APTX: variants seen among roughly 807,000 people sequenced by gnomAD.
APTX encodes the protein aprataxin, also known as forkhead-associated domain histidine triad-like protein.
APTX carries 33 observed loss-of-function variants against 42.3 expected under a neutral mutation model. The observed-to-expected ratio is 0.78, with a 90% CI of 0.59 to 1.04. The LOEUF (loss-of-function observed/expected upper bound fraction) is 1.04, where lower values mean the gene tolerates loss of function less well. APTX is among the 50% of genes least tolerant of loss of function. The pLI is 0.00. For synonymous variants in APTX, 130 were observed against 146.7 expected, an observed-to-expected ratio of 0.89 and a Z score of 0.82; for missense variants, 421 against 415.1, an observed-to-expected ratio of 1.01 and a Z score of -0.12.
intron 5 of APTX, among the ~76,000 whole-genome samples, chr9:32,985,342 T>G (rs1437708454): frequency 4.0e-5 from 6 of 148,952 alleles, no homozygotes; most frequent in Non-Finnish European, 7.4e-5. Flanking sequence ...TTTTTTTTTT[T>G]TTTTTTTTTG....
rs115599714 is a variant in APTX at position 33,018,935 on chromosome 9, C to G, written c.-5+6088G>C. Among the ~76,000 whole-genome samples the G allele has an allele frequency of 7.7e-3, 1,166 of 152,182 alleles. 12 individuals are homozygous for G. Among genetic ancestry groups the G allele is most frequent in the African/African-American group, 0.027 (1,115 of 41,508 alleles). Reference sequence around the variant, plus strand: ...CAAGGTCCTTAAAAATAAGTAAAGTCTGAGAAACTGTCACAGTCAAGATGA... The same window carrying G: ...CAAGGTCCTTAAAAATAAGTAAAGTGTGAGAAACTGTCACAGTCAAGATGA... On this transcript the variant is annotated intron_variant, in intron 1 of 6. Transcript: ENST00000436040.
intron 1 of APTX, among the ~76,000 whole-genome samples, chr9:33,023,776 A>G (rs1587688614): frequency 6.6e-6 from 1 of 152,248 alleles, no homozygotes; most frequent in Non-Finnish European, 1.5e-5. Flanking sequence ...GAAAAGGCTG[A>G]AGAGGCAGCA....
intron 1 of APTX, among the ~76,000 whole-genome samples, chr9:32,992,746 G>A (rs1016436341): frequency 6.6e-6 from 1 of 152,214 alleles, no homozygotes; most frequent in Non-Finnish European, 1.5e-5. Flanking sequence ...AGTCTAGCAT[G>A]GAGAAATCCA....
In APTX at chr9:32,984,820, T is replaced by C. The variant is rs1339475999; in HGVS notation, c.581A>G (p.Lys194Arg). Residue 194 changes from lysine to arginine, a missense_variant, in exon 6 of 8, where the codon AAA becomes AGA. Coordinates refer to ENST00000379817, the MANE Select transcript of APTX (RefSeq NM_001195248.2). ...CCAATGGTAACGGGCCTTTGGGTAT[T>C]TATCCTTTATCACCACCACCTGCTC... ...KDEQVVVIKDKYPKARYHWLV... is the reference protein window; with the variant it reads ...KDEQVVVIKDRYPKARYHWLV... 6.2e-7 allele frequency: 1 copy of C among 1,614,184 alleles called. No individual in the cohort carries two copies. The highest frequency in any genetic ancestry group is 8.5e-7 in the Non-Finnish European group (1 of 1,180,032).
chr9:32,988,686 G>GA lies in APTX; in HGVS notation c.134-558dup, dbSNP rs201425898. 1.4e-3 allele frequency among the ~76,000 whole-genome samples: 100 copies of GA among 70,880 alleles called. 2 individuals carry two copies. The highest frequency in any genetic ancestry group is 7.1e-3 in the Middle Eastern group (1 of 140). The allele number at this position is 70,880 out of a possible 152,430, so 46.5% of individuals were successfully genotyped here. On this transcript the variant is annotated intron_variant, in intron 2 of 7. Coordinates refer to ENST00000379817, the MANE Select transcript of APTX (RefSeq NM_001195248.2). ...ACAGAGTGAGACCCTATCTCAGGAG[G>GA]AAAAAAAAAAAAAAAAAAAAAAAAA...
At chr9:33,018,842 G>C (rs10971332) in intron 1 of APTX, among the ~76,000 whole-genome samples, 10,727 of 152,266 alleles carry the variant, frequency 0.07, 515 homozygotes, top group Non-Finnish European at 0.11. Flanking sequence ...TCACGCCATT[G>C]CGCTCCAGCC....
chr9:32,973,708 TACCAAAAAAAAAAAAAAAAA>T (rs765639035), intron 7 of APTX, 56 bp from the exon 8 acceptor site: 1 of 1,308,858 alleles, frequency 7.6e-7, no homozygotes, highest in South Asian at 1.3e-5. Context: ...CAATATGAGA[TACCAAAAAAAAAAAAAAAAA>T]ATCAAAAACG....
rs112103430 is a variant in APTX at position 32,987,948 on chromosome 9, G to T, written c.181-102C>A. 3.2e-5 allele frequency: 49 copies of T among 1,527,476 alleles called. No individual in the cohort carries two copies. The African/African-American group carries it at 3.4e-4, about 11-fold the overall frequency. 94.6% of individuals were successfully genotyped at this position (1,527,476 alleles called of 1,614,324 possible). On this transcript the variant is annotated intron_variant, in intron 3 of 7. Coordinates refer to ENST00000379817, the MANE Select transcript of APTX (RefSeq NM_001195248.2). ...CCACTTACTATATGCCAAGCACCTTGCCTTATGTTCACCTATATTACTCCA... is the reference window on the plus strand; with the variant it reads ...CCACTTACTATATGCCAAGCACCTTTCCTTATGTTCACCTATATTACTCCA...
chr9:32,977,951 T>G (rs944722649), intron 6 of APTX, among the ~76,000 whole-genome samples: 1 of 152,228 alleles, frequency 6.6e-6, no homozygotes, highest in Non-Finnish European at 1.5e-5. Flanking sequence ...CCCAAGTGTG[T>G]TGCTTTAAAA....
intron 6 of APTX, among the ~76,000 whole-genome samples, chr9:32,976,547 C>T (rs942727228): frequency 1.3e-5 from 2 of 152,130 alleles, no homozygotes; most frequent in Non-Finnish European, 2.9e-5. Context: ...TTTATACAAT[C>T]CTTAAGCTTA....
At chr9:32,997,621 G>GCGA (rs1835252208) in intron 1 of APTX, among the ~76,000 whole-genome samples, 1 of 11,534 alleles carries the variant, frequency 8.7e-5, no homozygotes, top group African/African-American at 9.4e-5. Flanking sequence ...TCCAAGCAAA[G>GCGA]AGAACAAGGG....
rs775949021 is a variant in APTX, at chr9:32,972,700, C to T, written c.*798G>A. ...ATTCACCAACCACCTTTCCATGCAT[C>T]AGAACCTATGCTGTGATTGTTAGCT... On this transcript the variant is annotated 3_prime_UTR_variant, in exon 8 of 8. Coordinates refer to ENST00000379817, the MANE Select transcript of APTX (RefSeq NM_001195248.2). 1 of 452,772 alleles carries T rather than the reference C, an allele frequency of 2.2e-6. No individual in the cohort carries two copies. Among genetic ancestry groups the T allele is most frequent in the African/African-American group, 2.0e-5 (1 of 49,980 alleles). The allele number at this position is 452,772 out of a possible 1,614,324, so 28.0% of individuals were successfully genotyped here.
chr9:32,998,173 G>C (rs1399009608), intron 1 of APTX, among the ~76,000 whole-genome samples: 1 of 152,208 alleles, frequency 6.6e-6, no homozygotes, highest in Non-Finnish European at 1.5e-5. Context: ...AGGCAGAGCT[G>C]TCCAGGAGGA....
rs1833112921 is a variant in APTX, at chr9:32,989,781, A to T, written c.111T>A (p.Asp37Glu). The T allele has an allele frequency of 6.2e-7, 1 of 1,614,252 alleles. No individual in the cohort carries two copies. Among genetic ancestry groups the T allele is most frequent in the South Asian group, 1.1e-5 (1 of 91,090 alleles). Residue 37 changes from aspartate to glutamate, a missense_variant, in exon 2 of 8, where the codon GAT (aspartate) becomes GAA (glutamate). Transcript: ENST00000379817. ...TACCTTGCTGTCGAGAACATTTCTT[A>T]TCAGTGATCTTGGTCTCTGGGCCAC... is the stretch of plus-strand genomic sequence containing the variant. ...IGRGPETKIT[D>E]KKCSRQQVQL...
intron 2 of APTX, chr9:32,989,557 C>A (rs772051912): frequency 1.3e-6 from 1 of 794,198 alleles, no homozygotes; most frequent in Non-Finnish European, 2.1e-6. Context: ...AACCTTCACC[C>A]ACCCTGCCTT....
rs1837457624 is a variant in APTX at position 33,010,424 on chromosome 9, A to G, written c.-5+14599T>C. Among the ~76,000 whole-genome samples, 3 of 152,152 alleles carry G rather than the reference A, an allele frequency of 2.0e-5. No homozygotes were observed. In the South Asian group the frequency reaches 6.2e-4, roughly 31 times the overall value. On this transcript the variant is annotated intron_variant, in intron 1 of 6. Coordinates refer to the APTX transcript ENST00000436040. ...CTGGGGCTACCACAGTGAACAAAAC[A>G]AAGTTCCTGCGTTCGCCAGGCGTGG... is the stretch of plus-strand genomic sequence containing the variant.
upstream of APTX, among the ~76,000 whole-genome samples, chr9:33,005,228 C>G (rs1317514468): frequency 2.0e-5 from 3 of 152,032 alleles, no homozygotes; most frequent in Non-Finnish European, 1.5e-5. Flanking sequence ...CTGGCTGTAT[C>G]CCTGGATGCA....
chr9:32,996,773 A>C (rs1835048370), intron 1 of APTX, among the ~76,000 whole-genome samples: 1 of 152,226 alleles, frequency 6.6e-6, no homozygotes, highest in Non-Finnish European at 1.5e-5. Context: ...ACAAGATTAT[A>C]ATCTCCCTGC....
At chr9:33,000,428 A>C in intron 1 of APTX, among the ~76,000 whole-genome samples, 1 of 151,952 alleles carries the variant, frequency 6.6e-6, no homozygotes, top group Non-Finnish European at 1.5e-5. Context: ...GGAGTTTGAG[A>C]CCAGCCTGGC....
Sources: allele counts gnomAD v4.1 joint callset (sites outside exome capture counted in the v4.1 genomes callset), GRCh38; gene constraint gnomAD v4.1.1; transcripts MANE v1.5; gene names NCBI Gene and HGNC (gene_info 2026-07-23, HGNC 2026-07-21).